Variants in LHPP observed in about 807,000 individuals in gnomAD.
LHPP encodes phospholysine phosphohistidine inorganic pyrophosphate phosphatase.
In LHPP, 24 loss-of-function variants were observed where a neutral mutation model predicts 30.3. The observed-to-expected ratio is 0.79, with a 90% CI of 0.57 to 1.11. The LOEUF is 1.11. LHPP is among the 50% of genes most tolerant of loss of function. The pLI, the probability that LHPP is intolerant of heterozygous loss-of-function variation, is 0.00. For missense variants in LHPP, 356 were observed against 367.2 expected (o/e 0.97, Z 0.25); for synonymous variants, 150 against 157.1 (o/e 0.95, Z 0.34).
intron 1 of LHPP, among the ~76,000 whole-genome samples, chr10:124,483,432 T>C (rs969258731): frequency 6.6e-6 from 1 of 151,892 alleles, no homozygotes; most frequent in Admixed American, 6.6e-5. Context: ...CTGAGCAGGA[T>C]TGTGGAGAGG....
At chr10:124,504,044 T>A (rs1411023669) in intron 5 of LHPP, among the ~76,000 whole-genome samples, 1 of 151,714 alleles carries the variant, frequency 6.6e-6, no homozygotes, top group Non-Finnish European at 1.5e-5. Context: ...ATACAAAAAT[T>A]AGCCGGGCCT....
chr10:124,475,013 C>T (rs1055648441), intron 1 of LHPP, among the ~76,000 whole-genome samples: 2 of 127,500 alleles, frequency 1.6e-5, no homozygotes, highest in Admixed American at 8.3e-5. Flanking sequence ...TTGAAATGTG[C>T]CAGGTGCTTC....
At chr10:124,574,537 C>T (rs1948632884) in intron 6 of LHPP, among the ~76,000 whole-genome samples, 1 of 152,210 alleles carries the variant, frequency 6.6e-6, no homozygotes, top group Non-Finnish European at 1.5e-5. Context: ...CTGGAGCCTG[C>T]TCCCAGGGCC....
intron 6 of LHPP, among the ~76,000 whole-genome samples, chr10:124,551,040 A>G (rs943619894): frequency 3.3e-5 from 5 of 152,116 alleles, no homozygotes; most frequent in Admixed American, 1.3e-4. Flanking sequence ...CTGTTTCTAC[A>G]CAACCCATCT....
intron 6 of LHPP, among the ~76,000 whole-genome samples, chr10:124,582,555 T>C (rs918821070): frequency 6.8e-6 from 1 of 146,224 alleles, no homozygotes; most frequent in Admixed American, 6.7e-5. Flanking sequence ...AGAAAATCTG[T>C]ATATACCTTT....
intron 6 of LHPP, among the ~76,000 whole-genome samples, chr10:124,553,755 G>A (rs948492771): frequency 1.3e-5 from 2 of 152,210 alleles, no homozygotes; most frequent in African/African-American, 2.4e-5. Flanking sequence ...CACCACGCCC[G>A]GCCTACAGCC....
At chr10:124,608,341 G>GCCCAGC (rs1248423262) in intron 6 of LHPP, among the ~76,000 whole-genome samples, 2 of 143,306 alleles carry the variant, frequency 1.4e-5, no homozygotes, top group South Asian at 2.3e-4. Context: ...TCCCTGGCCA[G>GCCCAGC]CCCAGCCCCA....
intron 6 of LHPP, among the ~76,000 whole-genome samples, chr10:124,604,835 G>A (rs930001066): frequency 1.3e-5 from 2 of 152,224 alleles, no homozygotes; most frequent in Non-Finnish European, 2.9e-5. Context: ...GCCCCTCCCT[G>A]GGTAGGCAGC....
intron 6 of LHPP, among the ~76,000 whole-genome samples, chr10:124,572,682 G>A (rs1386921392): frequency 5.6e-5 from 7 of 125,874 alleles, no homozygotes; most frequent in East Asian, 2.4e-4. Flanking sequence ...AAAAAAGAAG[G>A]AAGGGAGGGA....
chr10:124,572,695 A>G (rs1194279660), intron 6 of LHPP, among the ~76,000 whole-genome samples: 1 of 141,790 alleles, frequency 7.1e-6, no homozygotes, highest in African/African-American at 2.6e-5. Context: ...GGGAGGGAGG[A>G]AGGAAGGGAG....
intron 6 of LHPP, among the ~76,000 whole-genome samples, chr10:124,607,746 G>A (rs1472840725): frequency 3.3e-5 from 5 of 152,298 alleles, no homozygotes; most frequent in African/African-American, 7.2e-5. Context: ...TTTTTGTTCC[G>A]CTTCGGGCAA....
chr10:124,610,274 C>T (rs73379022), intron 6 of LHPP, among the ~76,000 whole-genome samples: 12 of 139,538 alleles, frequency 8.6e-5, no homozygotes, highest in African/African-American at 2.6e-4. Flanking sequence ...GACACTGACA[C>T]GGGTTGTTCT....
chr10:124,564,445 A>G (rs944662571), intron 6 of LHPP, among the ~76,000 whole-genome samples: 1 of 150,436 alleles, frequency 6.6e-6, no homozygotes, highest in Non-Finnish European at 1.5e-5. Context: ...TATAGAGACG[A>G]GTCTCACTGT....
In LHPP at chr10:124,613,843, C is replaced by A; in HGVS notation, c.*483C>A. On this transcript the variant is annotated 3_prime_UTR_variant, in exon 7 of 7. Coordinates refer to ENST00000368842, the MANE Select transcript of LHPP (RefSeq NM_022126.4). The stretch of plus-strand genomic sequence containing the variant: ...AGGGGCCTCCTATGCACAGATCTTG[C>A]AGCCCAGAACCAAGTCAGCCTCCCT... 1 of 157,370 alleles carries A rather than the reference C, an allele frequency of 6.4e-6. No individual in the cohort carries two copies. The allele number at this position is 157,370 out of a possible 1,614,324, so 9.7% of individuals were successfully genotyped here. A position where few individuals can be genotyped will look rare whatever the true frequency, so the allele number is the denominator to read the frequency against.
chr10:124,589,866 G>A (rs1310723652), intron 6 of LHPP, among the ~76,000 whole-genome samples: 1 of 152,204 alleles, frequency 6.6e-6, no homozygotes. Context: ...GCTCGGCTCT[G>A]AATGAGTTCA....
intron 5 of LHPP, among the ~76,000 whole-genome samples, chr10:124,503,807 A>G (rs7090933): frequency 0.3 from 45,497 of 150,326 alleles, 7,222 homozygotes; most frequent in Middle Eastern, 0.43. Flanking sequence ...TTCCCCTCAT[A>G]GGATGAATTT....
chr10:124,497,049 A>G (rs3824810), intron 4 of LHPP, 25 bp downstream of exon 4: 1,125,615 of 1,602,578 alleles, frequency 0.7, 397,449 homozygotes, highest in South Asian at 0.81. Context: ...TCTGTCCCAA[A>G]CTCTCTTCAG....
intron 6 of LHPP, among the ~76,000 whole-genome samples, chr10:124,543,338 G>T (rs72837335): frequency 0.011 from 1,606 of 152,364 alleles, 14 homozygotes; most frequent in Non-Finnish European, 0.017. Flanking sequence ...CCCCCGGTCG[G>T]CCCAGGTGCG....
intron 6 of LHPP, among the ~76,000 whole-genome samples, chr10:124,553,234 C>A (rs61870228): frequency 0.25 from 37,846 of 152,196 alleles, 5,348 homozygotes; most frequent in Middle Eastern, 0.32. Flanking sequence ...GCTCAATAGA[C>A]TCAGCCTGAC....
Sources: gnomAD v4.1 joint callset for allele counts (sites outside exome capture counted in the v4.1 genomes callset) on GRCh38, gnomAD v4.1.1 for gene constraint, MANE v1.5 for transcripts, NCBI Gene and HGNC (gene_info 2026-07-23, HGNC 2026-07-21) for gene names.